Variants in CTNNA3 observed in about 807,000 individuals in gnomAD.
CTNNA3 encodes the protein catenin alpha 3.
A neutral mutation model predicts 95.7 loss-of-function variants in CTNNA3; 76 were observed. The observed-to-expected ratio is 0.79, with a 90% confidence interval of 0.66 to 0.96. The LOEUF is 0.96. Among genes scored for constraint, CTNNA3 ranks in the 40% least tolerant of loss-of-function variants. CTNNA3 has a pLI of 0.00. For missense variants in CTNNA3, 1,191 were observed against 1,089.8 expected (o/e 1.09, Z -1.31); for synonymous variants, 431 against 374.4 (o/e 1.15, Z -1.74).
intron 11 of CTNNA3, among the ~76,000 whole-genome samples, chr10:66,507,275 C>G (rs899561757): frequency 6.6e-6 from 1 of 152,044 alleles, no homozygotes; most frequent in African/African-American, 2.4e-5. Flanking sequence ...GTGACAGATA[C>G]ATGTATACAG....
intron 11 of CTNNA3, among the ~76,000 whole-genome samples, chr10:66,402,507 TCA>T (rs2093028581): frequency 6.6e-6 from 1 of 152,178 alleles, no homozygotes. Flanking sequence ...TAAATTATTT[TCA>T]GTTTACTCAT....
At chr10:66,144,496 T>TA (rs1239868190) in intron 13 of CTNNA3, among the ~76,000 whole-genome samples, 9 of 151,940 alleles carry the variant, frequency 5.9e-5, no homozygotes, top group African/African-American at 2.2e-4. Flanking sequence ...TTTATTTATT[T>TA]TTTTTTTTGA....
At chr10:67,094,262 T>C (rs899711353) in intron 7 of CTNNA3, among the ~76,000 whole-genome samples, 20 of 152,024 alleles carry the variant, frequency 1.3e-4, no homozygotes, top group Middle Eastern at 3.4e-3. Flanking sequence ...TAAGAATCAT[T>C]GGGTTCCTAA....
intron 5 of CTNNA3, among the ~76,000 whole-genome samples, chr10:67,431,156 C>T (rs750907737): frequency 6.6e-6 from 1 of 151,948 alleles, no homozygotes; most frequent in East Asian, 1.9e-4. Flanking sequence ...AAGTCAACCA[C>T]TAATGGACTA....
At chr10:66,667,264 G>T (rs1478169853) in intron 9 of CTNNA3, among the ~76,000 whole-genome samples, 1 of 151,590 alleles carries the variant, frequency 6.6e-6, no homozygotes, top group Non-Finnish European at 1.5e-5. Context: ...GCCCTTGTTA[G>T]GTTTTATCTA....
chr10:66,199,630 C>G (rs2087193247), intron 13 of CTNNA3, among the ~76,000 whole-genome samples: 1 of 150,310 alleles, frequency 6.7e-6, no homozygotes, highest in South Asian at 2.1e-4. Flanking sequence ...AAGGCGAAGT[C>G]TTGCTCTGCC....
chr10:66,055,741 G>T (rs1045584101), intron 15 of CTNNA3, among the ~76,000 whole-genome samples: 3 of 151,818 alleles, frequency 2.0e-5, no homozygotes, highest in Admixed American at 6.6e-5. Flanking sequence ...GACTAACATG[G>T]TGAAACCCCA....
intron 5 of CTNNA3, among the ~76,000 whole-genome samples, chr10:67,355,912 C>T (rs1421630445): frequency 6.6e-6 from 1 of 151,962 alleles, no homozygotes; most frequent in Non-Finnish European, 1.5e-5. Context: ...TGCCCTTCTC[C>T]CAGCCTCCAC....
At chr10:66,151,373 C>A (rs2084190796) in intron 13 of CTNNA3, among the ~76,000 whole-genome samples, 1 of 151,788 alleles carries the variant, frequency 6.6e-6, no homozygotes, top group Admixed American at 6.6e-5. Context: ...AATGTTTTAA[C>A]TAAAAAATGA....
chr10:66,297,350 C>T (rs1037099591), intron 12 of CTNNA3, among the ~76,000 whole-genome samples: 4 of 151,864 alleles, frequency 2.6e-5, no homozygotes, highest in Non-Finnish European at 5.9e-5. Context: ...AATAAAATAA[C>T]AATTTAAAAT....
chr10:67,411,534 C>T (rs1294484030), intron 5 of CTNNA3, among the ~76,000 whole-genome samples: 1 of 152,038 alleles, frequency 6.6e-6, no homozygotes, highest in African/African-American at 2.4e-5. Flanking sequence ...GTTTTGTCCA[C>T]AACTGAGAAG....
chr10:66,948,841 T>C (rs1358217211), intron 7 of CTNNA3, among the ~76,000 whole-genome samples: 1 of 152,174 alleles, frequency 6.6e-6, no homozygotes, highest in Non-Finnish European at 1.5e-5. Flanking sequence ...AGCAGTCCAA[T>C]ATAATACTTC....
intron 1 of CTNNA3, among the ~76,000 whole-genome samples, chr10:67,731,727 G>A (rs1159803628): frequency 6.6e-6 from 1 of 151,326 alleles, no homozygotes; most frequent in Non-Finnish European, 1.5e-5. Flanking sequence ...GCGTGAACCC[G>A]GGAGGTGGAG....
Position 67,132,336 on chromosome 10 carries a change from C to T in CTNNA3, c.1047+47981G>A, listed in dbSNP as rs73258500. Among the ~76,000 whole-genome samples, 193 of 152,054 alleles carry T rather than the reference C, an allele frequency of 1.3e-3. 2 individuals are homozygous for T. Among genetic ancestry groups the T allele is most frequent in the African/African-American group, 4.4e-3 (181 of 41,472 alleles). On this transcript the variant is annotated intron_variant, in intron 7 of 17. Transcript: ENST00000433211. ...TGAGATTAAGTAGAAATCTAAGAGT[C>T]GGTAGGTTATATGCACTTAGGTATC...
chr10:67,202,377 TCCATAATAAAG>T (rs2132214272), intron 6 of CTNNA3, among the ~76,000 whole-genome samples: 1 of 152,180 alleles, frequency 6.6e-6, no homozygotes, highest in Non-Finnish European at 1.5e-5. Flanking sequence ...AACAATGTTC[TCCATAATAAAG>T]CCATAATCAA....
rs1237437129 is a variant in CTNNA3 at position 67,423,571 on chromosome 10, T to G, written c.579+98271A>C. 2.6e-5 allele frequency among the ~76,000 whole-genome samples: 4 copies of G among 152,118 alleles called. 1 individual carries two copies. Among genetic ancestry groups the G allele is most frequent in the Admixed American group, 2.0e-4 (3 of 15,264 alleles). On this transcript the variant is annotated intron_variant, in intron 5 of 17. Coordinates refer to ENST00000433211, the MANE Select transcript of CTNNA3 (RefSeq NM_013266.4). ...ATTCAAAAAGATAGACACTAAACAC[T>G]TTTCAGTTTTAAATCAAATTCAAAA...
At chr10:67,217,581 C>A (rs1306969203) in intron 6 of CTNNA3, among the ~76,000 whole-genome samples, 1 of 152,192 alleles carries the variant, frequency 6.6e-6, no homozygotes, top group Admixed American at 6.5e-5. Flanking sequence ...TGAAGTTACA[C>A]ACATAACACG....
At chr10:66,281,041 G>A (rs958005210) in intron 12 of CTNNA3, among the ~76,000 whole-genome samples, 11 of 151,802 alleles carry the variant, frequency 7.2e-5, no homozygotes, top group African/African-American at 2.7e-4. Context: ...GATATTTAAA[G>A]AAAGAAAGCA....
At position 67,085,538 on chromosome 10, in the gene CTNNA3, T is replaced by A. The variant is rs1857256634; in HGVS notation, c.1047+94779A>T. Among the ~76,000 whole-genome samples, 9 of 151,992 alleles carry A rather than the reference T, an allele frequency of 5.9e-5. No homozygotes were observed. In the South Asian group the frequency reaches 1.9e-3, roughly 31 times the overall value. On this transcript the variant is annotated intron_variant, in intron 7 of 17. Transcript: ENST00000433211. ...TATGTGTGCTCATAAAATTTAGAAGTTGATCTTTATTAAAATATCAACAAG... is the reference window on the plus strand; with the variant it reads ...TATGTGTGCTCATAAAATTTAGAAGATGATCTTTATTAAAATATCAACAAG...
Sources: gnomAD v4.1 joint callset for allele counts (sites outside exome capture counted in the v4.1 genomes callset) on GRCh38, gnomAD v4.1.1 for gene constraint, MANE v1.5 for transcripts, NCBI Gene and HGNC (gene_info 2026-07-23, HGNC 2026-07-21) for gene names.